The following TENM3 variants were observed in gnomAD, a reference collection of about 807,000 sequenced individuals.
TENM3 encodes the protein teneurin-3.
A neutral mutation model predicts 255.1 loss-of-function variants in TENM3; 63 were observed. The observed-to-expected ratio is 0.25, with a 90% CI of 0.20 to 0.30. The LOEUF (loss-of-function observed/expected upper bound fraction) is 0.30, where lower values mean the gene tolerates loss of function less well. Among genes scored for constraint, TENM3 ranks in the 10% least tolerant of loss-of-function variants. The pLI, the probability that TENM3 is intolerant of heterozygous loss-of-function variation, is 1.00. For missense variants in TENM3, 2,929 were observed against 3,461.1 expected, an observed-to-expected ratio of 0.85 and a Z score of 3.86; for synonymous variants, 1,306 against 1,322.3, an observed-to-expected ratio of 0.99 and a Z score of 0.27.
chr4:182,021,596 A>G, the TENM3 span, among the ~76,000 whole-genome samples: 168 of 152,326 alleles, frequency 1.1e-3, no homozygotes, highest in Non-Finnish European at 1.7e-3. Flanking sequence ...TTATAAAGAT[A>G]TATTTGTCCA....
At chr4:181,778,510 A>G in the TENM3 span, among the ~76,000 whole-genome samples, 1 of 152,182 alleles carries the variant, frequency 6.6e-6, no homozygotes, top group Non-Finnish European at 1.5e-5. Flanking sequence ...TGTTTAGGCC[A>G]TGCAGCAGAT....
At chr4:181,627,374 T>G in the TENM3 span, among the ~76,000 whole-genome samples, 1 of 152,182 alleles carries the variant, frequency 6.6e-6, no homozygotes, top group Non-Finnish European at 1.5e-5. Context: ...CTAGGGTACA[T>G]GTGCACAATG....
the TENM3 span, among the ~76,000 whole-genome samples, chr4:181,493,011 C>A: frequency 0.12 from 18,120 of 151,190 alleles, 1,408 homozygotes; most frequent in African/African-American, 0.21. Context: ...ATGAACCAGA[C>A]CATTGTGAGA....
chr4:181,508,580 C>A, the TENM3 span, among the ~76,000 whole-genome samples: 4 of 152,202 alleles, frequency 2.6e-5, no homozygotes, highest in Admixed American at 6.5e-5. Context: ...TGCACATGAG[C>A]TTTAATACGT....
chr4:181,706,669 G>A, the TENM3 span, among the ~76,000 whole-genome samples: 1 of 152,146 alleles, frequency 6.6e-6, no homozygotes, highest in Non-Finnish European at 1.5e-5. Context: ...ACAGGCGAAG[G>A]AAGCTGGTTC....
chr4:182,786,270 GC>G (rs1765647467), intron 24 of TENM3, among the ~76,000 whole-genome samples: 2 of 152,074 alleles, frequency 1.3e-5, no homozygotes, highest in South Asian at 4.1e-4. Context: ...CAAATCGGAA[GC>G]CAGGGCTGGG....
the TENM3 span, among the ~76,000 whole-genome samples, chr4:181,970,122 AT>A: frequency 6.6e-6 from 1 of 152,224 alleles, no homozygotes; most frequent in African/African-American, 2.4e-5. Context: ...ATATTTGTTT[AT>A]TGTAAAAGCT....
At chr4:182,665,665 G>A (rs567943472) in intron 6 of TENM3, among the ~76,000 whole-genome samples, 13 of 152,164 alleles carry the variant, frequency 8.5e-5, no homozygotes, top group Non-Finnish European at 1.9e-4. Context: ...GGAGGCTGAG[G>A]CGGGCGGATC....
At position 182,763,507 on chromosome 4, in the gene TENM3, G is replaced by A. The variant is rs574616480; in HGVS notation, c.4892+8248G>A. Among the ~76,000 whole-genome samples, 6 of 152,124 alleles carry A rather than the reference G, an allele frequency of 3.9e-5. 1 individual carries two copies. The South Asian group carries it at 1.2e-3, about 32-fold the overall frequency. ...GTGAACCCAGGAGTTGGAGCTTGCA[G>A]TGAGCCCAGATCGTGCCAGCCTGGG... On this transcript the variant is annotated intron_variant, in intron 22 of 27. Transcript: ENST00000511685.
chr4:182,546,222 T>A (rs748472404), intron 3 of TENM3, among the ~76,000 whole-genome samples: 1 of 152,206 alleles, frequency 6.6e-6, no homozygotes, highest in Non-Finnish European at 1.5e-5. Flanking sequence ...GAAATCTGCA[T>A]GTAAGTGCGC....
At chr4:181,509,479 T>A in the TENM3 span, among the ~76,000 whole-genome samples, 1 of 152,140 alleles carries the variant, frequency 6.6e-6, no homozygotes, top group African/African-American at 2.4e-5. Flanking sequence ...TCGTTCCTTG[T>A]CTCCTTGTCC....
intron 1 of TENM3, among the ~76,000 whole-genome samples, chr4:182,253,846 C>T (rs1758199452): frequency 6.6e-6 from 1 of 151,970 alleles, no homozygotes. Context: ...GCAGATGTTG[C>T]AAACCCAGTA....
the TENM3 span, among the ~76,000 whole-genome samples, chr4:181,726,173 A>G: frequency 1.3e-5 from 2 of 152,170 alleles, no homozygotes. Flanking sequence ...CAGAATACAA[A>G]GATTATTTCA....
At chr4:182,506,535 T>C (rs547155853) in intron 3 of TENM3, among the ~76,000 whole-genome samples, 115 of 152,344 alleles carry the variant, frequency 7.5e-4, no homozygotes, top group Middle Eastern at 3.4e-3. Flanking sequence ...TTGTCTGGTA[T>C]GTGTATTATA....
At chr4:181,520,558 A>T in the TENM3 span, among the ~76,000 whole-genome samples, 6 of 152,186 alleles carry the variant, frequency 3.9e-5, no homozygotes, top group African/African-American at 1.4e-4. Context: ...AAACAAAAAA[A>T]CCTCTAGTTT....
the TENM3 span, among the ~76,000 whole-genome samples, chr4:181,645,512 A>AT: frequency 1.3e-5 from 2 of 152,208 alleles, no homozygotes; most frequent in Non-Finnish European, 2.9e-5. Context: ...CAACAGTCAA[A>AT]TTTCTCATTT....
rs1758962335 is a variant in TENM3 at position 182,714,101 on chromosome 4, C to T, written c.2236C>T (p.Leu746=). The change falls in exon 13 of 28, where the codon CTG becomes TTG. Residue 746 remains leucine, a synonymous_variant. Transcript: ENST00000511685. ...EHCTIEGCPG[L]CNSNGRCTLD... Reference sequence around the variant, plus strand: ...TGTCTCGACAGAGGGTTGTCCTGGTCTGTGCAACAGCAATGGAAGATGTAC... The same window carrying T: ...TGTCTCGACAGAGGGTTGTCCTGGTTTGTGCAACAGCAATGGAAGATGTAC... The T allele has an allele frequency of 6.2e-7, 1 of 1,613,652 alleles. No individual in the cohort carries two copies. Among genetic ancestry groups the T allele is most frequent in the Non-Finnish European group, 8.5e-7 (1 of 1,179,762 alleles).
intron 5 of TENM3, among the ~76,000 whole-genome samples, chr4:182,629,779 G>A (rs527421340): frequency 6.6e-6 from 1 of 152,250 alleles, no homozygotes; most frequent in African/African-American, 2.4e-5. Context: ...GTATTGCAGA[G>A]CTGTATGTAG....
chr4:181,648,259 G>A, the TENM3 span, among the ~76,000 whole-genome samples: 1 of 152,164 alleles, frequency 6.6e-6, no homozygotes, highest in Non-Finnish European at 1.5e-5. Context: ...CTAAACGCTA[G>A]AACATGGAGA....
Sources: allele counts gnomAD v4.1 joint callset (sites outside exome capture counted in the v4.1 genomes callset), GRCh38; gene constraint gnomAD v4.1.1; transcripts MANE v1.5; gene names NCBI Gene and HGNC (gene_info 2026-07-23, HGNC 2026-07-21).